The following RNF130 variants were observed in gnomAD, a reference collection of about 807,000 sequenced individuals.
The protein encoded by RNF130 is E3 ubiquitin-protein ligase RNF130.
In RNF130, 21 loss-of-function variants were observed where a neutral mutation model predicts 44.6. The observed-to-expected ratio is 0.47, with a 90% CI of 0.33 to 0.68. The LOEUF (loss-of-function observed/expected upper bound fraction) is 0.68. Among genes scored for constraint, RNF130 ranks in the 30% least tolerant of loss-of-function variants. The pLI, the probability that RNF130 is intolerant of heterozygous loss-of-function variation, is 0.02. For missense variants in RNF130, 479 were observed against 560.6 expected, an observed-to-expected ratio of 0.85 and a Z score of 1.47; for synonymous variants, 214 against 210.4, an observed-to-expected ratio of 1.02 and a Z score of -0.15.
chr5:179,920,040 G>T, exon 8 of RNF130: 1 of 396,532 alleles, frequency 2.5e-6, no homozygotes, highest in Non-Finnish European at 4.6e-6. Context: ...CCTGGGCCCG[G>T]CCTCTTCTCT....
intron 7 of RNF130, among the ~76,000 whole-genome samples, chr5:179,924,249 A>G (rs1761675213): frequency 6.6e-6 from 1 of 152,092 alleles, no homozygotes; most frequent in Non-Finnish European, 1.5e-5. Context: ...TAATCCCAGC[A>G]CTTTGGGAGG....
chr5:179,968,557 AAG>A (rs1470285931), intron 6 of RNF130, among the ~76,000 whole-genome samples: 4 of 149,324 alleles, frequency 2.7e-5, no homozygotes, highest in Non-Finnish European at 5.9e-5. Context: ...TCCCAGCTAC[AAG>A]GGAGGCTGAG....
At chr5:180,044,113 C>T (rs992187104) in intron 1 of RNF130, among the ~76,000 whole-genome samples, 2 of 152,150 alleles carry the variant, frequency 1.3e-5, no homozygotes, top group East Asian at 1.9e-4. Flanking sequence ...TAAGTGAAGA[C>T]ATATTATGGT....
intron 8 of RNF130, among the ~76,000 whole-genome samples, chr5:179,959,350 A>G (rs1300683161): frequency 6.6e-6 from 1 of 152,162 alleles, no homozygotes; most frequent in Non-Finnish European, 1.5e-5. Context: ...TCTTAAAAAG[A>G]GTACTGAGCA....
intron 7 of RNF130, chr5:179,933,924 T>C (rs1582127442): frequency 1.8e-6 from 1 of 551,364 alleles, no homozygotes; most frequent in East Asian, 4.0e-5. Flanking sequence ...GGGAGCAGAC[T>C]GTTCTGCCAT....
At chr5:179,960,315 T>G (rs1055142030) in intron 8 of RNF130, among the ~76,000 whole-genome samples, 1 of 152,190 alleles carries the variant, frequency 6.6e-6, no homozygotes, top group African/African-American at 2.4e-5. Context: ...GTTTCAAAAT[T>G]TACCAGATCT....
intron 7 of RNF130, among the ~76,000 whole-genome samples, chr5:179,943,196 GAA>G (rs1761990148): frequency 6.6e-6 from 1 of 152,016 alleles, no homozygotes; most frequent in African/African-American, 2.4e-5. Context: ...CTGTCTCAAA[GAA>G]AAAAAGTCTT....
chr5:179,940,678 T>A (rs1761959015), intron 7 of RNF130, among the ~76,000 whole-genome samples: 2 of 152,198 alleles, frequency 1.3e-5, no homozygotes, highest in African/African-American at 4.8e-5. Flanking sequence ...CTGTGATATG[T>A]CTTGGTGTGG....
chr5:179,980,505 T>C (rs1582160138), intron 3 of RNF130: 2 of 333,354 alleles, frequency 6.0e-6, no homozygotes, highest in African/African-American at 2.1e-5. Context: ...AATAAACATT[T>C]GAAACATCAC....
chr5:180,069,084 A>C (rs1765182266), intron 1 of RNF130, among the ~76,000 whole-genome samples: 2 of 152,268 alleles, frequency 1.3e-5, no homozygotes, highest in South Asian at 4.1e-4. Flanking sequence ...TAATTTTAAC[A>C]GATTTATATC....
intron 5 of RNF130, among the ~76,000 whole-genome samples, chr5:179,972,885 G>A (rs766502415): frequency 3.3e-5 from 5 of 151,872 alleles, no homozygotes; most frequent in Non-Finnish European, 7.4e-5. Context: ...TTTCCTTCTA[G>A]GATTATTGAT....
intron 5 of RNF130, among the ~76,000 whole-genome samples, chr5:179,972,334 T>C (rs1358983214): frequency 1.3e-5 from 2 of 152,200 alleles, no homozygotes; most frequent in African/African-American, 4.8e-5. Context: ...GTACCTTGCA[T>C]ACATTTTCAG....
intron 8 of RNF130, among the ~76,000 whole-genome samples, chr5:179,958,895 T>G (rs1435602260): frequency 6.6e-6 from 1 of 152,044 alleles, no homozygotes; most frequent in Non-Finnish European, 1.5e-5. Context: ...TGGCTAGGCT[T>G]GTCTTGAACT....
Position 179,931,790 on chromosome 5 carries a change from C to CAA in RNF130, c.1151-11366_1151-11365dup, listed in dbSNP as rs1761811683. Among the ~76,000 whole-genome samples the CAA allele has an allele frequency of 8.8e-5, 11 of 124,980 alleles. No homozygotes were observed. The South Asian group carries it at 2.9e-3, about 33-fold the overall frequency. 82.0% of individuals were successfully genotyped at this position (124,980 alleles called of 152,430 possible). A position where few individuals can be genotyped will look rare whatever the true frequency, so the allele number is the denominator to read the frequency against. On this transcript the variant is annotated intron_variant, in intron 7 of 7. Transcript: ENST00000522208. ...ACTCTGTCTTAAAACAAACAAACAACAAAACTACAGTACAAAGACTTTGTA... is the reference window on the plus strand; with the variant it reads ...ACTCTGTCTTAAAACAAACAAACAACAAAAAACTACAGTACAAAGACTTTGTA...
At chr5:180,026,189 T>A (rs1251491306) in intron 2 of RNF130, among the ~76,000 whole-genome samples, 2 of 151,776 alleles carry the variant, frequency 1.3e-5, no homozygotes, top group Admixed American at 1.3e-4. Flanking sequence ...AAAAGCAACA[T>A]TATTATTTGG....
At chr5:180,005,011 T>C (rs903923826) in intron 3 of RNF130, among the ~76,000 whole-genome samples, 1 of 152,192 alleles carries the variant, frequency 6.6e-6, no homozygotes, top group Non-Finnish European at 1.5e-5. Flanking sequence ...TCCTCTCCTC[T>C]CTACATAACC....
At chr5:179,992,508 G>C (rs553496924) in intron 3 of RNF130, among the ~76,000 whole-genome samples, 3 of 152,204 alleles carry the variant, frequency 2.0e-5, no homozygotes, top group Non-Finnish European at 4.4e-5. Context: ...ATTTCCAGGA[G>C]TTGTCTGTTT....
chr5:179,953,844 AT>A (rs1762162099), downstream of RNF130, among the ~76,000 whole-genome samples: 1 of 152,230 alleles, frequency 6.6e-6, no homozygotes, highest in Admixed American at 6.5e-5. Context: ...GTGAGAAAAT[AT>A]TTGCAAATGA....
chr5:180,014,757 AG>A (rs1330506149), intron 2 of RNF130, among the ~76,000 whole-genome samples: 1 of 152,198 alleles, frequency 6.6e-6, no homozygotes, highest in Admixed American at 6.5e-5. Context: ...AAGCCAGGGC[AG>A]GTGGATTGCT....
Sources: allele counts gnomAD v4.1 joint callset (sites outside exome capture counted in the v4.1 genomes callset), GRCh38; gene constraint gnomAD v4.1.1; transcripts MANE v1.5; gene names NCBI Gene and HGNC (gene_info 2026-07-23, HGNC 2026-07-21).